Variants in FLNB observed in about 807,000 individuals in gnomAD.
FLNB encodes filamin-B.
A neutral mutation model predicts 250.6 loss-of-function variants in FLNB; 111 were observed. The observed-to-expected ratio is 0.44, with a 90% CI of 0.38 to 0.52. FLNB has a LOEUF of 0.52. FLNB is among the 20% of genes least tolerant of loss of function. FLNB has a pLI of 0.00. For synonymous variants in FLNB, 1,302 were observed against 1,372.1 expected, an observed-to-expected ratio of 0.95 and a Z score of 1.13; for missense variants, 2,869 against 3,447.8, an observed-to-expected ratio of 0.83 and a Z score of 4.20.
At chr3:58,075,940 G>A (rs1165766538) in intron 1 of FLNB, among the ~76,000 whole-genome samples, 1 of 152,064 alleles carries the variant, frequency 6.6e-6, no homozygotes, top group African/African-American at 2.4e-5. Flanking sequence ...GAAGGCAAGG[G>A]CAGGGAAAGT....
rs764011350 is a variant in FLNB, at chr3:58,130,824, C to T, written c.4306C>T (p.Arg1436Ter). Residue 1436 changes from arginine to a stop codon, truncating the protein, a stop_gained, in exon 25 of 46, where the codon CGA becomes TGA. Transcript: ENST00000295956. LOFTEE classifies it high-confidence loss of function. Reference protein sequence around the residue: ...IAGPGLGSGVRARVLQSFTVD... With the variant: ...IAGPGLGSGV Reference sequence around the variant, plus strand: ...CGGCCCCGGGCTGGGCTCAGGCGTCCGAGCCCGTGTCCTGCAGTCCTTCAC... The same window carrying T: ...CGGCCCCGGGCTGGGCTCAGGCGTCTGAGCCCGTGTCCTGCAGTCCTTCAC... The T allele has an allele frequency of 6.8e-6, 11 of 1,613,496 alleles. No homozygotes were observed. The highest frequency in any genetic ancestry group is 4.4e-5 in the South Asian group (4 of 90,936).
At chr3:58,051,792 G>T (rs1231976475) in intron 1 of FLNB, among the ~76,000 whole-genome samples, 1 of 152,104 alleles carries the variant, frequency 6.6e-6, no homozygotes, top group African/African-American at 2.4e-5. Context: ...CCATGCTTGA[G>T]ATAGGACCAA....
intron 12 of FLNB, 130 bp from the exon 13 acceptor site, chr3:58,108,328 C>T (rs2097263103): frequency 1.4e-6 from 1 of 711,270 alleles, no homozygotes; most frequent in African/African-American, 1.7e-5. Context: ...TAACCAACCT[C>T]TTATGTGGAT....
intron 1 of FLNB, among the ~76,000 whole-genome samples, chr3:58,051,681 TTG>T (rs768981172): frequency 1.9e-4 from 28 of 150,898 alleles, no homozygotes; most frequent in South Asian, 1.0e-3. Flanking sequence ...GGCAGTTTTT[TTG>T]GGTTTTTTTT....
At chr3:58,158,929 T>C (rs2097357216) in intron 41 of FLNB, among the ~76,000 whole-genome samples, 1 of 152,130 alleles carries the variant, frequency 6.6e-6, no homozygotes, top group African/African-American at 2.4e-5. Context: ...ATTTGATCTT[T>C]ATAGTAGCCC....
intron 22 of FLNB, 96 bp downstream of exon 22, chr3:58,124,601 G>A (rs1006508701): frequency 3.0e-6 from 4 of 1,343,466 alleles, no homozygotes; most frequent in Non-Finnish European, 4.2e-6. Flanking sequence ...CATGTGCTAG[G>A]CCTGTCTCAG....
rs758198038 is a variant in FLNB, at chr3:58,169,575, C to G, written c.7418-15C>G. 1 of 1,609,586 alleles carries G rather than the reference C, an allele frequency of 6.2e-7. No homozygotes were observed. The highest frequency in any genetic ancestry group is 8.5e-7 in the Non-Finnish European group (1 of 1,175,802). ...CTGGCCATTCATGCCTGTCCCCCTC[C>G]CTCCTGTATCTTAGGCCAGCGTCTA... On this transcript the variant is annotated splice_polypyrimidine_tract_variant and intron_variant, in intron 44 of 45. Transcript: ENST00000295956. The surrounding 1 kb of genome is among the most constrained non-coding windows in gnomAD (Gnocchi z 4.8).
chr3:58,100,373 A>AAAT, intron 8 of FLNB, among the ~76,000 whole-genome samples: 1 of 104,386 alleles, frequency 9.6e-6, no homozygotes, highest in African/African-American at 4.6e-5. Context: ...GTAAAAAAAA[A>AAAT]ATATATATAT....
chr3:58,032,674 G>C (rs1053806553), intron 1 of FLNB, among the ~76,000 whole-genome samples: 2 of 152,214 alleles, frequency 1.3e-5, no homozygotes, highest in Admixed American at 1.3e-4. Flanking sequence ...CCAAATTCAA[G>C]CAGGTCCATT....
chr3:58,029,136 C>T (rs2097127361), intron 1 of FLNB, among the ~76,000 whole-genome samples: 1 of 151,686 alleles, frequency 6.6e-6, no homozygotes, highest in African/African-American at 2.4e-5. Context: ...GACAATGATC[C>T]ATCTTAACCC....
rs142327317 is a variant in FLNB, at chr3:58,043,998, T to C, written c.293-33048T>C. On this transcript the variant is annotated intron_variant, in intron 1 of 45. Coordinates refer to ENST00000295956, the MANE Select transcript of FLNB (RefSeq NM_001457.4). ...GTGTCTGTTTTGTCCCTTCCCTCTG[T>C]AGAGGAGTCCTGCTATCACTGCAGG... Among the ~76,000 whole-genome samples, 3 of 152,292 alleles carry C rather than the reference T, an allele frequency of 2.0e-5. No individual in the cohort carries two copies. In the East Asian group the frequency reaches 5.8e-4, roughly 29 times the overall value.
Position 58,123,703 on chromosome 3 carries a change from TAAAAAAAAAAA to T in FLNB, c.3724+26_3724+36del, listed in dbSNP as rs56147140. On this transcript the variant is annotated intron_variant, in intron 21 of 45. Transcript: ENST00000295956. ...ATAGAAGGGAAAGGTGGGTTTCATT[TAAAAAAAAAAA>T]AAAAAAAAAAAAGACAAGCTGGGAC... 376 of 1,117,344 alleles carry T rather than the reference TAAAAAAAAAAA, an allele frequency of 3.4e-4. 4 individuals carry two copies. In the African/African-American group the frequency reaches 6.1e-3, roughly 18 times the overall value. 69.2% of individuals were successfully genotyped at this position (1,117,344 alleles called of 1,614,324 possible).
chr3:58,150,318 A>C, intron 38 of FLNB, 91 bp downstream of exon 38: 1 of 1,430,318 alleles, frequency 7.0e-7, no homozygotes, highest in South Asian at 1.1e-5. Flanking sequence ...GGCATGGCCC[A>C]GAACACAGTA....
intron 1 of FLNB, 87 bp downstream of exon 1, chr3:58,008,943 C>A: frequency 6.6e-7 from 1 of 1,515,214 alleles, no homozygotes; most frequent in Non-Finnish European, 9.1e-7. Context: ...GGATTTCCCG[C>A]AGCGCGCCCC....
chr3:58,169,698 C>T lies in FLNB; in HGVS notation c.7526C>T (p.Ser2509Phe). Residue 2509 changes from serine to phenylalanine, a missense_variant, in exon 45 of 46, where the codon TCC (serine) becomes TTC (phenylalanine). By Grantham distance (155) the Ser-to-Phe change is radical. Transcript: ENST00000295956. The surrounding 1 kb of genome is among the most constrained non-coding windows in gnomAD (Gnocchi z 4.8). ...ETCYSAIPKA[S>F]SDASKVTSKG... ...TGCTATAGCGCCATTCCCAAGGCATCCTCGGACGCCAGCAAGGTGACCTCT... is the reference window on the plus strand; with the variant it reads ...TGCTATAGCGCCATTCCCAAGGCATTCTCGGACGCCAGCAAGGTGACCTCT... The T allele has an allele frequency of 6.2e-7, 1 of 1,614,082 alleles. No homozygotes were observed. Among genetic ancestry groups the T allele is most frequent in the Non-Finnish European group, 8.5e-7 (1 of 1,179,992 alleles).
intron 12 of FLNB, among the ~76,000 whole-genome samples, chr3:58,107,140 G>A (rs1290878890): frequency 1.3e-5 from 2 of 152,030 alleles, no homozygotes; most frequent in African/African-American, 4.8e-5. Flanking sequence ...AGTGATTCTC[G>A]TGCCTTAGCC....
intron 13 of FLNB, 131 bp downstream of exon 13, chr3:58,108,702 T>C: frequency 2.9e-6 from 2 of 687,800 alleles, no homozygotes; most frequent in South Asian, 3.3e-5. Context: ...GAAGATTATC[T>C]TATAGGGTTA....
At chr3:58,035,254 A>G (rs2097136437) in intron 1 of FLNB, among the ~76,000 whole-genome samples, 1 of 152,188 alleles carries the variant, frequency 6.6e-6, no homozygotes, top group Admixed American at 6.5e-5. Flanking sequence ...ACAAAAACAA[A>G]ACCAAACCCA....
rs1208856845 is a variant in FLNB at position 58,168,433 on chromosome 3, C to T, written c.7199-7C>T. Reference sequence around the variant, plus strand: ...TCAACACAGCATTTTCTATTCCTTTCTCCCAGGTATCCAGTCGGAATTCTT... The same window carrying T: ...TCAACACAGCATTTTCTATTCCTTTTTCCCAGGTATCCAGTCGGAATTCTT... On this transcript the variant is annotated splice_region_variant and splice_polypyrimidine_tract_variant and intron_variant, in intron 43 of 45. Transcript: ENST00000295956. 4 of 1,609,308 alleles carry T rather than the reference C, an allele frequency of 2.5e-6. No individual in the cohort carries two copies. Among genetic ancestry groups the T allele is most frequent in the Non-Finnish European group, 3.4e-6 (4 of 1,175,758 alleles).
Sources: gnomAD v4.1 joint callset for allele counts (sites outside exome capture counted in the v4.1 genomes callset) on GRCh38, gnomAD v4.1.1 for gene constraint, Gnocchi (gnomAD v3.1) non-coding constraint, MANE v1.5 for transcripts, NCBI Gene and HGNC (gene_info 2026-07-23, HGNC 2026-07-21) for gene names.